The following BRINP1 variants were observed in gnomAD, a reference collection of about 807,000 sequenced individuals.
BRINP1 encodes BMP/retinoic acid inducible neural specific 1.
In BRINP1, 17 loss-of-function variants were observed where a neutral mutation model predicts 72.9. That is an observed-to-expected ratio of 0.23 (90% confidence interval 0.16 to 0.35). BRINP1 has a LOEUF of 0.35. Among genes scored for constraint, BRINP1 ranks in the 10% least tolerant of loss-of-function variants. The pLI, the probability that BRINP1 is intolerant of heterozygous loss-of-function variation, is 1.00. For synonymous variants in BRINP1, 418 were observed against 378.5 expected (o/e 1.10, Z -1.21); for missense variants, 850 against 1,001.6 (o/e 0.85, Z 2.04).
intron 7 of BRINP1, among the ~76,000 whole-genome samples, chr9:119,175,390 A>T (rs1829475261): frequency 6.6e-6 from 1 of 152,066 alleles, no homozygotes; most frequent in African/African-American, 2.4e-5. Context: ...GGGCTAGGGG[A>T]GAGATAGCAT....
At position 119,167,795 on chromosome 9, in the gene BRINP1, G is replaced by A. The variant is rs757278128; in HGVS notation, c.1575C>T (p.Ser525=). Reference sequence around the variant, plus strand: ...GGTTCTTGTTGCTCTTGAGAGTGAGGGACATGCGCTTGCGCCACCGAGGGT... The same window carrying A: ...GGTTCTTGTTGCTCTTGAGAGTGAGAGACATGCGCTTGCGCCACCGAGGGT... ...FFDPRWRKRM[S]LTLKSNKNRM... Residue 525 remains serine, a synonymous_variant, in exon 8 of 8, where the codon TCC becomes TCT. Coordinates refer to ENST00000265922, the MANE Select transcript of BRINP1 (RefSeq NM_014618.3). This position sits in a 1 kb window ranked among gnomAD's most constrained non-coding sequence, Gnocchi z 4.3. 5.6e-6 allele frequency: 9 copies of A among 1,613,858 alleles called. No individual in the cohort carries two copies. The highest frequency in any genetic ancestry group is 8.5e-7 in the Non-Finnish European group (1 of 1,180,004).
At chr9:119,358,976 C>CTG (rs1423435717) in intron 1 of BRINP1, among the ~76,000 whole-genome samples, 1 of 152,154 alleles carries the variant, frequency 6.6e-6, no homozygotes, top group Non-Finnish European at 1.5e-5. Context: ...GAAGGCAGTG[C>CTG]CTTGAACCTA....
At chr9:119,180,091 C>T (rs909427686) in intron 7 of BRINP1, among the ~76,000 whole-genome samples, 2 of 152,154 alleles carry the variant, frequency 1.3e-5, no homozygotes, top group African/African-American at 2.4e-5. Flanking sequence ...GAGGTTTTGC[C>T]TAAGATGGGA....
rs1336413522 is a variant in BRINP1 at position 119,249,060 on chromosome 9, C to G, written c.309G>C (p.Arg103Ser). The G allele has an allele frequency of 1.9e-6, 3 of 1,614,070 alleles. No homozygotes were observed. Among genetic ancestry groups the G allele is most frequent in the Non-Finnish European group, 1.7e-6 (2 of 1,180,006 alleles). Residue 103 changes from arginine to serine, a missense_variant, in exon 3 of 8, where the codon AGG becomes AGC. Transcript: ENST00000265922. ...HPVPLMPEFQ[R>S]SIRLLGRRPT... ...GTCTCCTGCCAAGCAGGCGGATGCT[C>G]CTTTGAAACTCCGGCATGAGGGGCA...
At chr9:119,252,369 G>A (rs770011103) in intron 2 of BRINP1, among the ~76,000 whole-genome samples, 4 of 152,082 alleles carry the variant, frequency 2.6e-5, no homozygotes, top group Non-Finnish European at 5.9e-5. Flanking sequence ...TCACTGAATT[G>A]TGAGGTAATT....
At chr9:119,284,491 C>T (rs1830741360) in intron 2 of BRINP1, among the ~76,000 whole-genome samples, 1 of 152,066 alleles carries the variant, frequency 6.6e-6, no homozygotes. Flanking sequence ...GGTTGTAAGG[C>T]TCAAATGAGA....
At chr9:119,263,598 A>ATT (rs1554752039) in intron 2 of BRINP1, among the ~76,000 whole-genome samples, 2 of 51,724 alleles carry the variant, frequency 3.9e-5, no homozygotes, top group Non-Finnish European at 4.1e-5. Flanking sequence ...CCAGTAAACA[A>ATT]TTCTTTTTTT....
chr9:119,234,904 T>C (rs1442738336), intron 5 of BRINP1, among the ~76,000 whole-genome samples: 3 of 152,176 alleles, frequency 2.0e-5, no homozygotes, highest in Admixed American at 2.0e-4. Flanking sequence ...TTAGGTTATA[T>C]ATTATCTTGA....
intron 7 of BRINP1, among the ~76,000 whole-genome samples, chr9:119,198,623 T>C (rs994428398): frequency 1.3e-5 from 2 of 152,182 alleles, no homozygotes; most frequent in African/African-American, 4.8e-5. Flanking sequence ...CAATTATTTA[T>C]GTCATCAAAT....
intron 7 of BRINP1, among the ~76,000 whole-genome samples, chr9:119,194,626 A>G (rs1829715824): frequency 6.6e-6 from 1 of 152,240 alleles, no homozygotes; most frequent in Non-Finnish European, 1.5e-5. Flanking sequence ...TTTGAAGATG[A>G]AGAGGACCTT....
In BRINP1 at chr9:119,168,092, G is replaced by A; in HGVS notation, c.1278C>T (p.Ile426=). 2 of 1,610,382 alleles carry A rather than the reference G, an allele frequency of 1.2e-6. No homozygotes were observed. The highest frequency in any genetic ancestry group is 1.1e-5 in the South Asian group (1 of 90,614). Residue 426 remains isoleucine, a synonymous_variant, in exon 8 of 8, where the codon ATC becomes ATT. Coordinates refer to ENST00000265922, the MANE Select transcript of BRINP1 (RefSeq NM_014618.3). ...HGSTTLCQRP[I]PCVIGGNNSC... ...TGTTGTTCCCGCCTATCACGCAGGG[G>A]ATGGGGCGCTGGCACAGCGTGGTGC...
In BRINP1 at chr9:119,209,412, A is replaced by G. The variant is rs1158411600; in HGVS notation, c.923-471T>C. ...TGGCGAAACCATCTCTACTAAAAAT[A>G]TAAAAATTAACCAGGCGTGGTGGCA... On this transcript the variant is annotated intron_variant, in intron 6 of 7. Transcript: ENST00000265922. Among the ~76,000 whole-genome samples, 9 of 152,106 alleles carry G rather than the reference A, an allele frequency of 5.9e-5. No individual in the cohort carries two copies. The East Asian group carries it at 1.8e-3, about 30-fold the overall frequency.
At chr9:119,243,603 G>T (rs558867397) in intron 3 of BRINP1, among the ~76,000 whole-genome samples, 1 of 152,122 alleles carries the variant, frequency 6.6e-6, no homozygotes, top group Non-Finnish European at 1.5e-5. Context: ...GGTATTTCTG[G>T]TTCTAGATCT....
At chr9:119,170,357 G>C (rs866631649) in intron 7 of BRINP1, among the ~76,000 whole-genome samples, 2 of 150,726 alleles carry the variant, frequency 1.3e-5, no homozygotes, top group East Asian at 3.9e-4. Context: ...GAGCCGATGC[G>C]ATCAACTGGA....
At chr9:119,255,615 G>T (rs1221127) in intron 2 of BRINP1, among the ~76,000 whole-genome samples, 136,495 of 152,176 alleles carry the variant, frequency 0.9, 61,557 homozygotes, top group East Asian at 0.99. Flanking sequence ...AATACACATA[G>T]GTACACTCAA....
chr9:119,229,486 A>G (rs2118895127), intron 5 of BRINP1, among the ~76,000 whole-genome samples: 1 of 152,200 alleles, frequency 6.6e-6, no homozygotes, highest in Non-Finnish European at 1.5e-5. Flanking sequence ...GTTTGACTCC[A>G]GGGCCTTTTC....
chr9:119,292,645 T>A (rs2118974428), intron 2 of BRINP1, among the ~76,000 whole-genome samples: 1 of 152,316 alleles, frequency 6.6e-6, no homozygotes, highest in Admixed American at 6.5e-5. Context: ...AAGTCCAACT[T>A]CTAGTATGAA....
At chr9:119,286,951 A>C (rs1830767306) in intron 2 of BRINP1, among the ~76,000 whole-genome samples, 1 of 152,156 alleles carries the variant, frequency 6.6e-6, no homozygotes, top group Admixed American at 6.5e-5. Context: ...GAACACTTGA[A>C]TTGCACAACA....
intron 1 of BRINP1, among the ~76,000 whole-genome samples, chr9:119,356,212 T>C (rs184039713): frequency 1.4e-4 from 22 of 152,276 alleles, no homozygotes; most frequent in Admixed American, 9.2e-4. Context: ...CACCTGACTC[T>C]ATCCCTGACT....
Sources: allele counts gnomAD v4.1 joint callset (sites outside exome capture counted in the v4.1 genomes callset), GRCh38; gene constraint gnomAD v4.1.1; non-coding constraint Gnocchi (gnomAD v3.1); transcripts MANE v1.5; gene names NCBI Gene and HGNC (gene_info 2026-07-23, HGNC 2026-07-21).